KLRG1: variants seen among roughly 807,000 people sequenced by gnomAD.
KLRG1 encodes killer cell lectin like receptor G1.
A neutral mutation model predicts 21.8 loss-of-function variants in KLRG1; 16 were observed. That is an observed-to-expected ratio of 0.73 (90% CI 0.50 to 1.11). KLRG1 has a LOEUF of 1.11. Among genes scored for constraint, KLRG1 ranks in the 50% most tolerant of loss-of-function variants. The pLI is 0.00. For missense variants in KLRG1, 173 were observed against 218.3 expected (o/e 0.79, Z 1.31); for synonymous variants, 69 against 75.9 (o/e 0.91, Z 0.47).
At chr12:9,186,224 C>G in the KLRG1 span, among the ~76,000 whole-genome samples, 1 of 152,112 alleles carries the variant, frequency 6.6e-6, no homozygotes, top group Non-Finnish European at 1.5e-5. Context: ...GAATTTGTTA[C>G]CACCAGATCC....
chr12:9,072,286 A>G, the KLRG1 span: 1 of 1,535,976 alleles, frequency 6.5e-7, no homozygotes, highest in South Asian at 1.2e-5. Flanking sequence ...GCACTGCTTT[A>G]CTTAAAGAGG....
At chr12:9,192,640 C>T in the KLRG1 span, 1 of 1,614,108 alleles carries the variant, frequency 6.2e-7, no homozygotes, top group African/African-American at 1.3e-5. Context: ...ATGTAACTTC[C>T]ACTTAAGGAG....
At chr12:9,204,485 A>G in the KLRG1 span, among the ~76,000 whole-genome samples, 1 of 152,218 alleles carries the variant, frequency 6.6e-6, no homozygotes, top group Admixed American at 6.5e-5. Context: ...ACACATGTCT[A>G]TATTGCAAAA....
At chr12:9,173,044 G>T in the KLRG1 span, among the ~76,000 whole-genome samples, 1 of 152,154 alleles carries the variant, frequency 6.6e-6, no homozygotes, top group African/African-American at 2.4e-5. Flanking sequence ...TTGCCACATG[G>T]CATTTACTCT....
chr12:9,097,632 C>A, the KLRG1 span, among the ~76,000 whole-genome samples: 1 of 127,118 alleles, frequency 7.9e-6, no homozygotes, highest in East Asian at 2.3e-4. Flanking sequence ...TGATGTAATT[C>A]TTTTTTTTTT....
chr12:9,192,520 G>A, the KLRG1 span: 56 of 1,612,510 alleles, frequency 3.5e-5, no homozygotes, highest in South Asian at 2.3e-4. Flanking sequence ...ACCAGGTAAT[G>A]GAAACTGAGC....
chr12:9,158,341 T>G, the KLRG1 span: 3 of 1,544,834 alleles, frequency 1.9e-6, no homozygotes, highest in Non-Finnish European at 2.7e-6. Context: ...GCAATTTCCT[T>G]GTGCCTCCTT....
chr12:9,051,596 G>A, the KLRG1 span, among the ~76,000 whole-genome samples: 1 of 152,186 alleles, frequency 6.6e-6, no homozygotes, highest in Non-Finnish European at 1.5e-5. Context: ...CTAACGCTTA[G>A]TATAGCTCAT....
the KLRG1 span, chr12:9,074,656 C>T: frequency 6.2e-7 from 1 of 1,613,886 alleles, no homozygotes; most frequent in Non-Finnish European, 8.5e-7. Context: ...TTGGGGCTGG[C>T]TGGGCCGTGA....
chr12:9,195,522 C>A, the KLRG1 span, among the ~76,000 whole-genome samples: 1 of 151,598 alleles, frequency 6.6e-6, no homozygotes, highest in Non-Finnish European at 1.5e-5. Context: ...TAACTCACAG[C>A]AGCATCGAAG....
At chr12:8,965,520 A>C (rs1016995490) in intron 1 of KLRG1, among the ~76,000 whole-genome samples, 1 of 152,208 alleles carries the variant, frequency 6.6e-6, no homozygotes, top group Non-Finnish European at 1.5e-5. Context: ...TACAAAAATC[A>C]CAAGCATTCT....
the KLRG1 span, among the ~76,000 whole-genome samples, chr12:9,023,108 G>A: frequency 0.32 from 48,993 of 152,158 alleles, 7,910 homozygotes; most frequent in Admixed American, 0.38. Flanking sequence ...CCTAGATTTA[G>A]AGCCAGTCAG....
chr12:9,164,255 C>T, the KLRG1 span: 5 of 1,613,054 alleles, frequency 3.1e-6, no homozygotes, highest in Non-Finnish European at 4.2e-6. Context: ...CAGCTGCACA[C>T]TGACCTATCA....
the KLRG1 span, among the ~76,000 whole-genome samples, chr12:9,028,386 G>A: frequency 6.6e-6 from 1 of 151,528 alleles, no homozygotes; most frequent in Non-Finnish European, 1.5e-5. Flanking sequence ...CTGACCTCAG[G>A]TGATCCACCT....
intron 1 of KLRG1, among the ~76,000 whole-genome samples, chr12:8,975,040 CA>C (rs770079117): frequency 3.2e-4 from 48 of 152,030 alleles, no homozygotes; most frequent in Middle Eastern, 3.4e-3. Flanking sequence ...CGATTACAGG[CA>C]CCTGTCACCA....
At chr12:8,956,164 G>T (rs781131404) in intron 1 of KLRG1, among the ~76,000 whole-genome samples, 2 of 152,320 alleles carry the variant, frequency 1.3e-5, no homozygotes, top group Non-Finnish European at 2.9e-5. Context: ...CTGCCGAACA[G>T]CGGGTGCAAA....
At chr12:9,089,939 C>T in the KLRG1 span, 4 of 1,612,508 alleles carry the variant, frequency 2.5e-6, 1 homozygote, top group South Asian at 4.4e-5. Flanking sequence ...GTCTTTCCTT[C>T]CGTGTTCAGG....
chr12:9,192,152 G>A, the KLRG1 span: 1 of 1,526,918 alleles, frequency 6.5e-7, no homozygotes, highest in Non-Finnish European at 9.1e-7. Context: ...GGGTAAGGAT[G>A]TGTTAGGGGA....
At chr12:9,150,510 T>G in the KLRG1 span, 21 of 604,434 alleles carry the variant, frequency 3.5e-5, no homozygotes, top group Non-Finnish European at 2.5e-5. Context: ...AGTAAGTCGT[T>G]TTTATAGTGT....
Sources: gnomAD v4.1 joint callset for allele counts (sites outside exome capture counted in the v4.1 genomes callset) on GRCh38, gnomAD v4.1.1 for gene constraint, MANE v1.5 for transcripts, NCBI Gene and HGNC (gene_info 2026-07-23, HGNC 2026-07-21) for gene names.